NELL1: variants seen among roughly 807,000 people sequenced by gnomAD.
NELL1 encodes neural EGFL like 1.
Under a neutral mutation model 107.4 loss-of-function variants are expected in NELL1, and 76 were observed. That is an observed-to-expected ratio of 0.71 (90% CI 0.59 to 0.86). NELL1 has a LOEUF of 0.86. Ranked by LOEUF, NELL1 falls within the 40% of genes least tolerant of loss-of-function variation. The probability of loss-of-function intolerance (pLI) is 0.00; values close to 1 mark genes in which losing one functional copy is unlikely to be tolerated. For missense variants in NELL1, 1,024 were observed against 1,005.5 expected (o/e 1.02, Z -0.25); for synonymous variants, 353 against 341.2 (o/e 1.03, Z -0.38).
At chr11:20,739,227 T>C (rs1346830487) in intron 2 of NELL1, among the ~76,000 whole-genome samples, 1 of 152,066 alleles carries the variant, frequency 6.6e-6, no homozygotes, top group Non-Finnish European at 1.5e-5. Context: ...GCTAAAATCG[T>C]GGTGGTTTGG....
chr11:21,161,276 G>A (rs993434131), intron 13 of NELL1, among the ~76,000 whole-genome samples: 6 of 152,184 alleles, frequency 3.9e-5, no homozygotes, highest in Non-Finnish European at 8.8e-5. Context: ...GGTGGCTCAT[G>A]TCCATAATAC....
At chr11:21,263,644 G>C (rs1487005025) in intron 14 of NELL1, among the ~76,000 whole-genome samples, 2 of 151,892 alleles carry the variant, frequency 1.3e-5, no homozygotes, top group Non-Finnish European at 2.9e-5. Flanking sequence ...AGAGGAACCA[G>C]GTGTATACCT....
At chr11:21,071,615 A>G (rs1854017670) in intron 12 of NELL1, among the ~76,000 whole-genome samples, 1 of 152,168 alleles carries the variant, frequency 6.6e-6, no homozygotes, top group Non-Finnish European at 1.5e-5. Context: ...GTCTCTGGCC[A>G]TGTCTTATTT....
intron 13 of NELL1, among the ~76,000 whole-genome samples, chr11:21,224,030 T>C (rs567394451): frequency 2.4e-4 from 37 of 152,322 alleles, no homozygotes; most frequent in Admixed American, 1.2e-3. Flanking sequence ...GAAAATCTGC[T>C]GTTAGTCTGA....
chr11:21,328,923 A>G (rs1850209549), intron 14 of NELL1, among the ~76,000 whole-genome samples: 1 of 152,136 alleles, frequency 6.6e-6, no homozygotes, highest in East Asian at 1.9e-4. Flanking sequence ...TATTATATCT[A>G]GGAGGTAACT....
intron 15 of NELL1, among the ~76,000 whole-genome samples, chr11:21,498,199 C>T (rs1855034725): frequency 6.6e-6 from 1 of 151,300 alleles, no homozygotes; most frequent in Non-Finnish European, 1.5e-5. Context: ...AATCTAAATT[C>T]TTTTTATATT....
At chr11:21,572,685 A>T (rs1857128515) in intron 18 of NELL1, among the ~76,000 whole-genome samples, 1 of 151,870 alleles carries the variant, frequency 6.6e-6, no homozygotes, top group Non-Finnish European at 1.5e-5. Flanking sequence ...TTATCTTGAC[A>T]TTGCCCAATC....
At chr11:20,999,270 T>C (rs1405347001) in intron 12 of NELL1, among the ~76,000 whole-genome samples, 4 of 152,224 alleles carry the variant, frequency 2.6e-5, no homozygotes, top group Non-Finnish European at 5.9e-5. Context: ...CCCATCATTC[T>C]TGGCTCCTAT....
intron 13 of NELL1, among the ~76,000 whole-genome samples, chr11:21,216,032 C>T (rs1293592272): frequency 6.6e-6 from 1 of 152,058 alleles, no homozygotes; most frequent in African/African-American, 2.4e-5. Flanking sequence ...TTTCCTGGGC[C>T]AGGTCCAGGG....
intron 15 of NELL1, among the ~76,000 whole-genome samples, chr11:21,427,601 G>T (rs1852856775): frequency 1.3e-5 from 2 of 152,126 alleles, no homozygotes; most frequent in South Asian, 4.1e-4. Context: ...GGACATGGTG[G>T]CTCAAACCTG....
In NELL1 at chr11:20,862,657, A is replaced by AGGG. The variant is rs529869181; in HGVS notation, c.506+14906_506+14907insGGG. 7.8e-3 allele frequency among the ~76,000 whole-genome samples: 988 copies of AGGG among 126,254 alleles called. 5 individuals carry two copies. The highest frequency in any genetic ancestry group is 0.028 in the Middle Eastern group (5 of 178). 82.8% of individuals were successfully genotyped at this position (126,254 alleles called of 152,430 possible). ...GATCATTCTTGGGTGTTTCTCGCAG[A>AGGG]GGATTTGGCAGGGTCATAGGACAAT... On this transcript the variant is annotated intron_variant, in intron 4 of 19. Transcript: ENST00000357134.
intron 14 of NELL1, among the ~76,000 whole-genome samples, chr11:21,252,082 A>T (rs756922259): frequency 4.6e-5 from 7 of 152,158 alleles, no homozygotes; most frequent in Non-Finnish European, 1.0e-4. Context: ...ATTCTTGCTA[A>T]ATCTCCAAAG....
At position 21,362,124 on chromosome 11, in the gene NELL1, A is replaced by G. The variant is rs139442996; in HGVS notation, c.1550-8729A>G. Among the ~76,000 whole-genome samples the G allele has an allele frequency of 6.9e-3, 1,057 of 152,278 alleles. 7 individuals are homozygous for G. Among genetic ancestry groups the G allele is most frequent in the Middle Eastern group, 0.044 (13 of 294 alleles). ...TTTGTTTTTTCATTTGAGTGGACGA[A>G]TTCAGTGGAGAGGTCTGAAACTCAA... On this transcript the variant is annotated intron_variant, in intron 14 of 19. Coordinates refer to ENST00000357134, the MANE Select transcript of NELL1 (RefSeq NM_006157.5).
At chr11:20,931,215 G>A (rs548624683) in intron 9 of NELL1, among the ~76,000 whole-genome samples, 11 of 152,066 alleles carry the variant, frequency 7.2e-5, no homozygotes, top group Non-Finnish European at 1.5e-4. Context: ...TGGCCTGGGA[G>A]GGAGGGGGAG....
At chr11:21,500,337 T>C (rs1170463573) in intron 15 of NELL1, among the ~76,000 whole-genome samples, 1 of 152,102 alleles carries the variant, frequency 6.6e-6, no homozygotes, top group African/African-American at 2.4e-5. Flanking sequence ...CCCAAAAATA[T>C]TTTCTGTAAT....
intron 2 of NELL1, among the ~76,000 whole-genome samples, chr11:20,757,779 T>C (rs150526710): frequency 0.015 from 2,247 of 152,344 alleles, 28 homozygotes; most frequent in Admixed American, 0.023. Flanking sequence ...AAAACCTGAT[T>C]TGAGAGCCAT....
intron 15 of NELL1, among the ~76,000 whole-genome samples, chr11:21,446,135 T>C (rs1355000204): frequency 6.6e-6 from 1 of 152,132 alleles, no homozygotes; most frequent in Non-Finnish European, 1.5e-5. Context: ...GAGACTCTGA[T>C]GCATTCTTCA....
chr11:20,825,223 C>T (rs1162413563), intron 3 of NELL1, among the ~76,000 whole-genome samples: 1 of 151,430 alleles, frequency 6.6e-6, no homozygotes, highest in Admixed American at 6.6e-5. Context: ...TAGAGAACCT[C>T]TGCTAGGGCA....
chr11:21,404,421 G>A (rs1057260187), intron 15 of NELL1, among the ~76,000 whole-genome samples: 2 of 151,838 alleles, frequency 1.3e-5, no homozygotes, highest in African/African-American at 4.8e-5. Flanking sequence ...CCATAAGAAA[G>A]CAATTAAAGT....
Sources: gnomAD v4.1 joint callset for allele counts (sites outside exome capture counted in the v4.1 genomes callset) on GRCh38, gnomAD v4.1.1 for gene constraint, MANE v1.5 for transcripts, NCBI Gene and HGNC (gene_info 2026-07-23, HGNC 2026-07-21) for gene names.